Variants in RASSF8 observed in about 807,000 individuals in gnomAD.
RASSF8 encodes the protein ras association domain-containing protein 8.
RASSF8 carries 22 observed loss-of-function variants against 48.5 expected under a neutral mutation model. The ratio of observed to expected loss-of-function variants is 0.45; its 90% CI spans 0.32 to 0.65. RASSF8 has a LOEUF of 0.65. Among genes scored for constraint, RASSF8 ranks in the 30% least tolerant of loss-of-function variants. The pLI is 0.03. For missense variants in RASSF8, 418 were observed against 489.2 expected, an observed-to-expected ratio of 0.85 and a Z score of 1.37; for synonymous variants, 127 against 171.5, an observed-to-expected ratio of 0.74 and a Z score of 2.03.
At chr12:25,965,330 A>G (rs1246103813) in intron 1 of RASSF8, among the ~76,000 whole-genome samples, 2 of 149,822 alleles carry the variant, frequency 1.3e-5, no homozygotes, top group African/African-American at 2.5e-5. Flanking sequence ...ATGTATACAC[A>G]TGAAATCATT....
intron 1 of RASSF8, among the ~76,000 whole-genome samples, chr12:25,968,889 A>G (rs185303299): frequency 1.3e-5 from 2 of 152,336 alleles, no homozygotes; most frequent in African/African-American, 2.4e-5. Context: ...GTTATTTGAT[A>G]TTGGATGGAT....
intron 1 of RASSF8, among the ~76,000 whole-genome samples, chr12:25,963,988 T>C (rs1941298134): frequency 6.6e-6 from 1 of 152,224 alleles, no homozygotes. Context: ...ACCCTGGTGC[T>C]TATTTAGACC....
In RASSF8 at chr12:26,068,713, T is replaced by A; in HGVS notation, c.1155T>A (p.Ser385=). 1 of 1,537,316 alleles carries A rather than the reference T, an allele frequency of 6.5e-7. No individual in the cohort carries two copies. The highest frequency in any genetic ancestry group is 8.7e-7 in the Non-Finnish European group (1 of 1,146,816). Reference sequence around the variant, plus strand: ...CCTGTTTAGAGGCACCATTCCAGTCTGGGTCCCTGAAGCGACCTGGTTCAT... The same window carrying A: ...CCTGTTTAGAGGCACCATTCCAGTCAGGGTCCCTGAAGCGACCTGGTTCAT... ...ADIEREAPFQ[S]GSLKRPGSSR... is the part of the protein sequence containing the mutation. Residue 385 remains serine, a synonymous_variant, in exon 6 of 6, where the codon TCT becomes TCA. Coordinates refer to ENST00000689635, the MANE Select transcript of RASSF8 (RefSeq NM_001394098.1).
chr12:26,032,751 C>G (rs1297335637), intron 2 of RASSF8, among the ~76,000 whole-genome samples: 1 of 152,128 alleles, frequency 6.6e-6, no homozygotes, highest in South Asian at 2.1e-4. Context: ...AAGCAGGAAT[C>G]ATAATGGGAA....
chr12:26,052,300 T>G (rs1943508042), intron 2 of RASSF8, among the ~76,000 whole-genome samples: 2 of 152,198 alleles, frequency 1.3e-5, no homozygotes, highest in East Asian at 3.8e-4. Context: ...ATGCAAATGC[T>G]CAATTCCAGG....
Position 25,982,079 on chromosome 12 carries a change from CT to C in RASSF8, c.-202-12949del, listed in dbSNP as rs1207377670. Reference sequence around the variant, plus strand: ...ACGGGGTACCACTTTGCAGGTGGATCTTTTTTTTTAGAAACTTAAAGTGATT... The same window carrying C: ...ACGGGGTACCACTTTGCAGGTGGATCTTTTTTTTAGAAACTTAAAGTGATT... On this transcript the variant is annotated intron_variant, in intron 1 of 5. Transcript: ENST00000689635. Among the ~76,000 whole-genome samples, 4 of 151,302 alleles carry C rather than the reference CT, an allele frequency of 2.6e-5. No homozygotes were observed. In the South Asian group the frequency reaches 6.3e-4, roughly 24 times the overall value.
chr12:25,975,561 TAC>T (rs1183429564), intron 1 of RASSF8, among the ~76,000 whole-genome samples: 5 of 152,224 alleles, frequency 3.3e-5, no homozygotes, highest in African/African-American at 1.2e-4. Context: ...ATATTCACTC[TAC>T]AAAGATTTAT....
At chr12:25,975,657 A>G (rs927821843) in intron 1 of RASSF8, among the ~76,000 whole-genome samples, 3 of 152,358 alleles carry the variant, frequency 2.0e-5, no homozygotes, top group African/African-American at 4.8e-5. Context: ...AAAGCTTGCA[A>G]TCTAGCAAAG....
At chr12:25,996,833 G>T (rs1942145547) in intron 2 of RASSF8, among the ~76,000 whole-genome samples, 1 of 152,150 alleles carries the variant, frequency 6.6e-6, no homozygotes, top group Non-Finnish European at 1.5e-5. Context: ...ACTGAACCTG[G>T]TTTACAGGAG....
downstream of RASSF8, among the ~76,000 whole-genome samples, chr12:26,077,127 A>G (rs1944079818): frequency 6.6e-6 from 1 of 152,092 alleles, no homozygotes; most frequent in Admixed American, 6.5e-5. Context: ...TTTCTTGTAA[A>G]TTTGTTTGAG....
chr12:25,967,727 C>T (rs1941391069), intron 1 of RASSF8, among the ~76,000 whole-genome samples: 1 of 152,212 alleles, frequency 6.6e-6, no homozygotes, highest in South Asian at 2.1e-4. Context: ...GAGTTAGTGC[C>T]TTCCCCTTAC....
At position 25,963,268 on chromosome 12, in the gene RASSF8, A is replaced by G. The variant is rs185822968; in HGVS notation, c.-203+4120A>G. Among the ~76,000 whole-genome samples, 38 of 149,236 alleles carry G rather than the reference A, an allele frequency of 2.5e-4. No homozygotes were observed. In the East Asian group the frequency reaches 3.4e-3, roughly 13 times the overall value. ...TTTTTAAAAAAAGTGGGAGCCACCTAGAAGTCTGGAAGTTCTTTTCTTCTC... is the reference window on the plus strand; with the variant it reads ...TTTTTAAAAAAAGTGGGAGCCACCTGGAAGTCTGGAAGTTCTTTTCTTCTC... On this transcript the variant is annotated intron_variant, in intron 1 of 5. Transcript: ENST00000689635.
At chr12:26,012,840 A>C (rs1391002491) in intron 2 of RASSF8, among the ~76,000 whole-genome samples, 1 of 151,750 alleles carries the variant, frequency 6.6e-6, no homozygotes, top group South Asian at 2.1e-4. Flanking sequence ...ATGCCCACGT[A>C]ATTTTTAAAT....
downstream of RASSF8, among the ~76,000 whole-genome samples, chr12:26,075,696 G>A (rs1222640769): frequency 6.6e-6 from 1 of 152,240 alleles, no homozygotes; most frequent in Admixed American, 6.5e-5. Context: ...AATGCTGGAA[G>A]TGTGAAGATC....
chr12:25,986,252 C>T (rs12304325), intron 1 of RASSF8, among the ~76,000 whole-genome samples: 1,616 of 152,290 alleles, frequency 0.011, 29 homozygotes, highest in African/African-American at 0.031. Context: ...TCCTGCACTT[C>T]ACAGGGCTAT....
Position 26,045,871 on chromosome 12 carries a change from A to G in RASSF8, c.-108-9365A>G, listed in dbSNP as rs370700906. On this transcript the variant is annotated intron_variant, in intron 2 of 5. Transcript: ENST00000689635. The stretch of plus-strand genomic sequence containing the variant: ...AAGGAATTAGATTCATTATACCTGA[A>G]TGGTGACTGGAAGGTAACGAACTTA... Among the ~76,000 whole-genome samples, 7 of 152,348 alleles carry G rather than the reference A, an allele frequency of 4.6e-5. No individual in the cohort carries two copies. The East Asian group carries it at 1.3e-3, about 29-fold the overall frequency.
At chr12:26,043,869 A>C (rs866150958) in intron 2 of RASSF8, among the ~76,000 whole-genome samples, 5 of 152,118 alleles carry the variant, frequency 3.3e-5, no homozygotes, top group Admixed American at 1.3e-4. Context: ...AAACAGGCAA[A>C]ACTAGTCTGT....
intron 1 of RASSF8, among the ~76,000 whole-genome samples, chr12:25,992,559 A>C (rs1459468415): frequency 6.6e-6 from 1 of 152,090 alleles, no homozygotes; most frequent in East Asian, 1.9e-4. Flanking sequence ...ATTTGAGTGG[A>C]GTCTTGGAGA....
At chr12:25,978,742 C>T (rs1941668564) in intron 1 of RASSF8, among the ~76,000 whole-genome samples, 2 of 151,014 alleles carry the variant, frequency 1.3e-5, no homozygotes, top group Admixed American at 1.3e-4. Flanking sequence ...GCTGGTCATT[C>T]TGGTGGCATT....
Sources: allele counts gnomAD v4.1 joint callset (sites outside exome capture counted in the v4.1 genomes callset), GRCh38; gene constraint gnomAD v4.1.1; transcripts MANE v1.5; gene names NCBI Gene and HGNC (gene_info 2026-07-23, HGNC 2026-07-21).